Variants in CELSR1 observed in about 807,000 individuals in gnomAD.
CELSR1 encodes cadherin EGF LAG seven-pass G-type receptor 1.
Under a neutral mutation model 249.1 loss-of-function variants are expected in CELSR1, and 110 were observed. The ratio of observed to expected loss-of-function variants is 0.44; its 90% CI spans 0.38 to 0.52. The LOEUF (loss-of-function observed/expected upper bound fraction) is 0.52, where lower values mean the gene tolerates loss of function less well. Among genes scored for constraint, CELSR1 ranks in the 20% least tolerant of loss-of-function variants. CELSR1 has a pLI of 0.00. For missense variants in CELSR1, 4,109 were observed against 4,296.4 expected (o/e 0.96, Z 1.22); for synonymous variants, 2,113 against 1,900.0 (o/e 1.11, Z -2.92).
At chr22:46,376,705 G>A (rs2078922029) in intron 24 of CELSR1, among the ~76,000 whole-genome samples, 1 of 151,960 alleles carries the variant, frequency 6.6e-6, no homozygotes, top group Non-Finnish European at 1.5e-5. Flanking sequence ...ATTTTCCTGG[G>A]GATGTACACA....
At chr22:46,525,951 G>C (rs1285061967) in intron 1 of CELSR1, among the ~76,000 whole-genome samples, 2 of 152,358 alleles carry the variant, frequency 1.3e-5, no homozygotes, top group Admixed American at 1.3e-4. Flanking sequence ...GCCGGCTCCT[G>C]CCCAGGGCTT....
chr22:46,466,596 CA>C (rs1337873852), intron 1 of CELSR1, among the ~76,000 whole-genome samples: 4 of 152,236 alleles, frequency 2.6e-5, no homozygotes, highest in African/African-American at 9.6e-5. Context: ...AGCCTGGCCA[CA>C]CTGTGAGTAG....
At chr22:46,405,491 C>A (rs1222166166) in intron 9 of CELSR1, among the ~76,000 whole-genome samples, 1 of 151,670 alleles carries the variant, frequency 6.6e-6, no homozygotes, top group Non-Finnish European at 1.5e-5. Flanking sequence ...ATTCCTTTGC[C>A]ATCTCTTGCA....
rs1343724771 is a variant in CELSR1, at chr22:46,427,724, G to C, written c.4611+5669C>G. 6.6e-6 allele frequency among the ~76,000 whole-genome samples: 1 copy of C among 152,146 alleles called. No individual in the cohort carries two copies. The highest frequency in any genetic ancestry group is 1.5e-5 in the Non-Finnish European group (1 of 68,028). On this transcript the variant is annotated intron_variant, in intron 5 of 34. Coordinates refer to ENST00000674500, the MANE Select transcript of CELSR1 (RefSeq NM_001378328.1). The surrounding 1 kb of genome is among the most constrained non-coding windows in gnomAD (Gnocchi z 4.2). ...AGTTCGTTTCTGTAAGTTGGATTCT[G>C]TGCGTGTAATTGGCACTCAATTAAC... is the stretch of plus-strand genomic sequence containing the variant.
chr22:46,435,997 C>T (rs2079655887), intron 4 of CELSR1, among the ~76,000 whole-genome samples, 177 bp downstream of exon 4: 1 of 152,186 alleles, frequency 6.6e-6, no homozygotes, highest in African/African-American at 2.4e-5. Flanking sequence ...CCACGCCCGG[C>T]CTGTTATGAA....
intron 1 of CELSR1, among the ~76,000 whole-genome samples, chr22:46,469,969 G>A (rs2147616016): frequency 2.1e-5 from 3 of 144,528 alleles, no homozygotes; most frequent in Admixed American, 6.9e-5. Context: ...GGAAGAAAGG[G>A]AGGGAGGGAG....
intron 2 of CELSR1, among the ~76,000 whole-genome samples, chr22:46,439,692 G>T (rs555086116): frequency 6.6e-6 from 1 of 152,188 alleles, no homozygotes; most frequent in South Asian, 2.1e-4. Context: ...TCAAAGAAAT[G>T]GCAGCAATGA....
chr22:46,419,769 C>G (rs1353659301), intron 5 of CELSR1, among the ~76,000 whole-genome samples: 1 of 152,028 alleles, frequency 6.6e-6, no homozygotes, highest in Non-Finnish European at 1.5e-5. Context: ...CACGTGCACA[C>G]TCACCACTCA....
intron 22 of CELSR1, among the ~76,000 whole-genome samples, chr22:46,379,175 T>C (rs919773400): frequency 4.6e-5 from 7 of 152,186 alleles, no homozygotes; most frequent in African/African-American, 1.7e-4. Context: ...AGAAAGGACA[T>C]CTCACCTTCC....
intron 23 of CELSR1, 54 bp downstream of exon 23, chr22:46,378,537 G>A: frequency 1.3e-6 from 2 of 1,523,602 alleles, no homozygotes; most frequent in Non-Finnish European, 1.8e-6. Context: ...TGGGGGGGAG[G>A]GGCAGGTTTG....
chr22:46,417,143 G>A lies in CELSR1; in HGVS notation c.4612-5384C>T, dbSNP rs2079412477. Among the ~76,000 whole-genome samples the A allele has an allele frequency of 6.6e-6, 1 of 152,216 alleles. No homozygotes were observed. The highest frequency in any genetic ancestry group is 1.5e-5 in the Non-Finnish European group (1 of 68,034). On this transcript the variant is annotated intron_variant, in intron 5 of 34. Transcript: ENST00000674500. The surrounding 1 kb of genome is among the most constrained non-coding windows in gnomAD (Gnocchi z 4.1). ...GTTCCATGCTGTCATTTCTCAAGAT[G>A]ACAAAGTTCAGGCCTGTCTGGCCGA...
Position 46,409,531 on chromosome 22 carries a change from C to T in CELSR1, c.5059+224G>A, listed in dbSNP as rs2079306766. 6.6e-6 allele frequency among the ~76,000 whole-genome samples: 1 copy of T among 152,122 alleles called. No homozygotes were observed. The highest frequency in any genetic ancestry group is 2.4e-5 in the African/African-American group (1 of 41,410). ...GCTCTGCCGGCCCAGCCTACCTGTC[C>T]CACCCCACACCTGAGGGACTGGGGA... On this transcript the variant is annotated intron_variant, in intron 8 of 34. Coordinates refer to ENST00000674500, the MANE Select transcript of CELSR1 (RefSeq NM_001378328.1). This position sits in a 1 kb window ranked among gnomAD's most constrained non-coding sequence, Gnocchi z 9.8.
At chr22:46,456,435 A>G (rs545347069) in intron 2 of CELSR1, among the ~76,000 whole-genome samples, 10 of 152,216 alleles carry the variant, frequency 6.6e-5, no homozygotes, top group South Asian at 6.2e-4. Flanking sequence ...CAAGGCGGGC[A>G]GATCACGAGG....
At chr22:46,452,482 CT>C (rs1219772467) in intron 2 of CELSR1, among the ~76,000 whole-genome samples, 1 of 152,218 alleles carries the variant, frequency 6.6e-6, no homozygotes, top group Non-Finnish European at 1.5e-5. Context: ...GTCCCTGGCA[CT>C]GGGGGTACAC....
chr22:46,494,497 C>A (rs945629139), intron 1 of CELSR1, among the ~76,000 whole-genome samples: 1 of 151,922 alleles, frequency 6.6e-6, no homozygotes, highest in Non-Finnish European at 1.5e-5. Context: ...TTATTTAAGT[C>A]CTTCTTAATT....
chr22:46,403,988 AAAG>A (rs2079237290), intron 9 of CELSR1, among the ~76,000 whole-genome samples: 2 of 150,524 alleles, frequency 1.3e-5, no homozygotes, highest in Non-Finnish European at 2.9e-5. Context: ...AAAAAAAAAA[AAAG>A]AAAAAAAGAA....
In CELSR1 at chr22:46,447,835, G is replaced by T. The variant is rs1179706463; in HGVS notation, c.4184-8424C>A. ...GGGTTTCACCATGTTGGCCAGGCTG[G>T]TCTCGAACTCCTGACCTCAGGTGAT... On this transcript the variant is annotated intron_variant, in intron 2 of 34. Transcript: ENST00000674500. The surrounding 1 kb of genome is among the most constrained non-coding windows in gnomAD (Gnocchi z 4.7). Among the ~76,000 whole-genome samples, 2 of 152,118 alleles carry T rather than the reference G, an allele frequency of 1.3e-5. No individual in the cohort carries two copies. The highest frequency in any genetic ancestry group is 6.5e-5 in the Admixed American group (1 of 15,276).
At chr22:46,439,165 T>A (rs753134141) in intron 3 of CELSR1, 24 bp downstream of exon 3, 64 of 1,598,284 alleles carry the variant, frequency 4.0e-5, no homozygotes, top group Non-Finnish European at 4.7e-5. Flanking sequence ...GACCCCCGTG[T>A]GGCGCGGCGG....
chr22:46,399,833 C>T lies in CELSR1; in HGVS notation c.5296G>A (p.Gly1766Arg), dbSNP rs766752592. ...PSDVESVMLSGLRVTDGEWHH... is the reference protein window; with the variant it reads ...PSDVESVMLSRLRVTDGEWHH... ...CACTCCCCGTCGGTCACCCGCAACC[C>T]GGACAGCATCACGGACTCCACATCG... Residue 1766 changes from glycine to arginine, a missense_variant, in exon 10 of 35, where the codon GGG becomes AGG. Gly to Arg is a moderately radical substitution (Grantham distance 125). This residue lies in a region of CELSR1 where 1,805 missense variants were observed against 1,831.6 expected (regional missense o/e 0.99). Transcript: ENST00000674500. The surrounding 1 kb of genome is among the most constrained non-coding windows in gnomAD (Gnocchi z 5.0). The T allele has an allele frequency of 6.8e-5, 110 of 1,614,024 alleles. No individual in the cohort carries two copies. The highest frequency in any genetic ancestry group is 1.5e-4 in the African/African-American group (11 of 74,922).
Sources: gnomAD v4.1 joint callset for allele counts (sites outside exome capture counted in the v4.1 genomes callset) on GRCh38, gnomAD v4.1.1 for gene constraint, gnomAD v4.1.1 regional missense constraint, Gnocchi (gnomAD v3.1) non-coding constraint, MANE v1.5 for transcripts, NCBI Gene and HGNC (gene_info 2026-07-23, HGNC 2026-07-21) for gene names.